RIT2: variants seen among roughly 807,000 people sequenced by gnomAD.
The protein encoded by RIT2 is Ras like without CAAX 2.
In RIT2, 24 loss-of-function variants were observed where a neutral mutation model predicts 23.7. That is an observed-to-expected ratio of 1.01 (90% CI 0.73 to 1.43). RIT2 has a LOEUF of 1.43. Ranked by LOEUF, RIT2 falls within the 40% of genes most tolerant of loss-of-function variation. The probability of loss-of-function intolerance (pLI) is 0.00; values close to 1 mark genes in which losing one functional copy is unlikely to be tolerated. For synonymous variants in RIT2, 107 were observed against 91.1 expected, an observed-to-expected ratio of 1.17 and a Z score of -0.99; for missense variants, 236 against 266.9, an observed-to-expected ratio of 0.88 and a Z score of 0.81.
chr18:42,992,611 C>T (rs907081457), intron 2 of RIT2, among the ~76,000 whole-genome samples: 3 of 152,136 alleles, frequency 2.0e-5, no homozygotes, highest in East Asian at 1.9e-4. Context: ...ATCCTTTTAT[C>T]ACCTCCCCTC....
intron 2 of RIT2, among the ~76,000 whole-genome samples, chr18:43,007,290 C>T (rs923030828): frequency 2.0e-5 from 3 of 151,640 alleles, no homozygotes; most frequent in African/African-American, 7.3e-5. Flanking sequence ...TATGCTCTGA[C>T]AAGATACACT....
intron 3 of RIT2, among the ~76,000 whole-genome samples, chr18:42,931,053 A>G (rs981171659): frequency 6.6e-6 from 1 of 151,912 alleles, no homozygotes; most frequent in African/African-American, 2.4e-5. Context: ...TCTTTCTTTT[A>G]TTGTAATTAC....
At chr18:42,813,360 G>A (rs966019994) in intron 4 of RIT2, among the ~76,000 whole-genome samples, 4 of 152,108 alleles carry the variant, frequency 2.6e-5, no homozygotes, top group African/African-American at 9.7e-5. Flanking sequence ...TAGTGGTGGA[G>A]TTACATCTGT....
chr18:43,012,038 C>T (rs752664104), intron 2 of RIT2, among the ~76,000 whole-genome samples: 1 of 151,708 alleles, frequency 6.6e-6, no homozygotes, highest in Non-Finnish European at 1.5e-5. Context: ...TTCCCATGTT[C>T]ACGTCCAACG....
chr18:43,003,434 A>T (rs1248772316), intron 2 of RIT2, among the ~76,000 whole-genome samples: 1 of 151,966 alleles, frequency 6.6e-6, no homozygotes, highest in Non-Finnish European at 1.5e-5. Flanking sequence ...TACAAACAGT[A>T]ATCAGAGTTG....
Position 42,927,266 on chromosome 18 carries a change from T to C in RIT2, c.235-3503A>G, listed in dbSNP as rs1035259380. Reference sequence around the variant, plus strand: ...AAAATCTTTCCACCAATAAAACAGATGTAATGAAGCTATCATAATGAATGT... The same window carrying C: ...AAAATCTTTCCACCAATAAAACAGACGTAATGAAGCTATCATAATGAATGT... On this transcript the variant is annotated intron_variant, in intron 3 of 4. Transcript: ENST00000326695. Among the ~76,000 whole-genome samples the C allele has an allele frequency of 5.3e-5, 8 of 151,898 alleles. No homozygotes were observed. In the East Asian group the frequency reaches 1.4e-3, roughly 26 times the overall value.
At chr18:42,753,980 G>A (rs1171726306) in intron 4 of RIT2, among the ~76,000 whole-genome samples, 1 of 152,134 alleles carries the variant, frequency 6.6e-6, no homozygotes, top group East Asian at 1.9e-4. Context: ...ACCCTTAGCC[G>A]CAGTCACTGA....
intron 4 of RIT2, among the ~76,000 whole-genome samples, chr18:42,886,696 A>C (rs1174973436): frequency 6.6e-6 from 1 of 152,212 alleles, no homozygotes; most frequent in Non-Finnish European, 1.5e-5. Context: ...AATTTGGGGC[A>C]TGGAATATTA....
At chr18:42,755,601 A>T (rs1405953757) in intron 4 of RIT2, among the ~76,000 whole-genome samples, 1 of 152,118 alleles carries the variant, frequency 6.6e-6, no homozygotes, top group African/African-American at 2.4e-5. Flanking sequence ...TGTATTTTTC[A>T]TCACCCATCA....
chr18:42,929,022 C>T, intron 3 of RIT2, among the ~76,000 whole-genome samples: 1 of 39,710 alleles, frequency 2.5e-5, no homozygotes, highest in East Asian at 2.3e-3. Flanking sequence ...TATACTAAAA[C>T]TAAAATATGG....
intron 4 of RIT2, among the ~76,000 whole-genome samples, chr18:42,799,558 A>G (rs1302419174): frequency 6.6e-6 from 1 of 152,036 alleles, no homozygotes; most frequent in Non-Finnish European, 1.5e-5. Context: ...TTTTCCTTTC[A>G]GCAACTGGAG....
intron 4 of RIT2, among the ~76,000 whole-genome samples, chr18:42,843,889 G>A (rs188763286): frequency 6.6e-6 from 1 of 152,000 alleles, no homozygotes; most frequent in African/African-American, 2.4e-5. Flanking sequence ...AGGTTATTTT[G>A]GTGAAGACAA....
At chr18:42,877,516 T>C (rs1003154289) in intron 4 of RIT2, among the ~76,000 whole-genome samples, 23 of 100,118 alleles carry the variant, frequency 2.3e-4, no homozygotes, top group African/African-American at 1.2e-3. Flanking sequence ...TGTGTTTGTA[T>C]ACACTATATA....
intron 1 of RIT2, among the ~76,000 whole-genome samples, chr18:43,086,749 C>A (rs1203532777): frequency 6.6e-6 from 1 of 152,106 alleles, no homozygotes; most frequent in Non-Finnish European, 1.5e-5. Context: ...GGATGCTAAC[C>A]TCCTGGATGA....
chr18:42,986,944 A>C (rs1379875388), intron 2 of RIT2, among the ~76,000 whole-genome samples: 1 of 152,236 alleles, frequency 6.6e-6, no homozygotes, highest in African/African-American at 2.4e-5. Context: ...CAGCCTGGCA[A>C]ATTTAAAAGA....
chr18:42,987,270 G>A (rs1910733534), intron 2 of RIT2, among the ~76,000 whole-genome samples: 1 of 152,136 alleles, frequency 6.6e-6, no homozygotes, highest in African/African-American at 2.4e-5. Context: ...CATGCAACTT[G>A]CATAATGAAA....
intron 2 of RIT2, among the ~76,000 whole-genome samples, chr18:43,000,153 G>T (rs1911071066): frequency 6.6e-6 from 1 of 152,040 alleles, no homozygotes; most frequent in African/African-American, 2.4e-5. Context: ...ATTAGTAAAT[G>T]TTTGAATTAC....
At chr18:42,769,747 C>T (rs1913504693) in intron 4 of RIT2, among the ~76,000 whole-genome samples, 2 of 151,326 alleles carry the variant, frequency 1.3e-5, no homozygotes, top group African/African-American at 4.9e-5. Flanking sequence ...GTCTTACTTC[C>T]TAGCAGGATA....
intron 2 of RIT2, among the ~76,000 whole-genome samples, chr18:42,997,316 C>T (rs1159388640): frequency 6.6e-6 from 1 of 151,650 alleles, no homozygotes; most frequent in Non-Finnish European, 1.5e-5. Flanking sequence ...CCCTCCTTCC[C>T]TTCCTATGTT....
Sources: gnomAD v4.1 joint callset for allele counts (sites outside exome capture counted in the v4.1 genomes callset) on GRCh38, gnomAD v4.1.1 for gene constraint, MANE v1.5 for transcripts, NCBI Gene and HGNC (gene_info 2026-07-23, HGNC 2026-07-21) for gene names.